The following PTCHD4 variants were observed in gnomAD, a reference collection of about 807,000 sequenced individuals.
The protein encoded by PTCHD4 is patched domain-containing protein 4.
Under a neutral mutation model 58.1 loss-of-function variants are expected in PTCHD4, and 33 were observed. That is an observed-to-expected ratio of 0.57 (90% CI 0.43 to 0.76). PTCHD4 has a LOEUF of 0.76. Among genes scored for constraint, PTCHD4 ranks in the 30% least tolerant of loss-of-function variants. PTCHD4 has a pLI of 0.00. For missense variants in PTCHD4, 1,058 were observed against 1,027.1 expected, an observed-to-expected ratio of 1.03 and a Z score of -0.41; for synonymous variants, 478 against 409.6, an observed-to-expected ratio of 1.17 and a Z score of -2.02.
chr6:47,942,212 A>C (rs1766257647), intron 4 of PTCHD4, among the ~76,000 whole-genome samples: 2 of 152,248 alleles, frequency 1.3e-5, no homozygotes, highest in Admixed American at 6.5e-5. Flanking sequence ...ATTGCAGAGA[A>C]TCCAAAGGGA....
At chr6:48,085,145 T>C (rs148941725) in intron 1 of PTCHD4, among the ~76,000 whole-genome samples, 1 of 152,040 alleles carries the variant, frequency 6.6e-6, no homozygotes, top group African/African-American at 2.4e-5. Context: ...CTGTTGATGG[T>C]ATGGTTCAAT....
chr6:48,047,248 G>A (rs1375954870), intron 3 of PTCHD4, among the ~76,000 whole-genome samples: 1 of 151,538 alleles, frequency 6.6e-6, no homozygotes, highest in African/African-American at 2.4e-5. Flanking sequence ...TTCCAGTTAG[G>A]AAATTCAATT....
At chr6:48,036,559 A>G (rs1310778117) in intron 3 of PTCHD4, among the ~76,000 whole-genome samples, 2 of 152,140 alleles carry the variant, frequency 1.3e-5, no homozygotes, top group African/African-American at 4.8e-5. Flanking sequence ...CTTTCTACCC[A>G]TTAGTCATTT....
At chr6:48,035,583 A>T (rs1190794790) in intron 3 of PTCHD4, among the ~76,000 whole-genome samples, 1 of 152,174 alleles carries the variant, frequency 6.6e-6, no homozygotes, top group Middle Eastern at 3.2e-3. Flanking sequence ...CTCTTCTGAG[A>T]TCTTTTTTAA....
Position 48,069,196 on chromosome 6 carries a change from T to TGGGG in PTCHD4, c.-243_-240dup, listed in dbSNP as rs373285367. 1.4e-3 allele frequency among the ~76,000 whole-genome samples: 64 copies of TGGGG among 47,252 alleles called. No individual in the cohort carries two copies. The highest frequency in any genetic ancestry group is 2.4e-3 in the African/African-American group (29 of 12,178). 31.0% of individuals were successfully genotyped at this position (47,252 alleles called of 152,430 possible). A position where few individuals can be genotyped will look rare whatever the true frequency, so the allele number is the denominator to read the frequency against. ...GAGAAGGGCGGGAGCACGTTGGGGG[T>TGGGG]GGGGGGGCAGATAAGCTTTTTTCTT... On this transcript the variant is annotated 5_prime_UTR_variant, in exon 2 of 5. An upstream open reading frame in the 5' UTR gains an earlier in-frame stop. Coordinates refer to ENST00000339488, the MANE Select transcript of PTCHD4 (RefSeq NM_001384253.1).
chr6:47,986,616 T>C (rs919899597), intron 4 of PTCHD4, among the ~76,000 whole-genome samples: 2 of 152,166 alleles, frequency 1.3e-5, no homozygotes, highest in African/African-American at 4.8e-5. Context: ...TTATAAGAGA[T>C]TCTTTATATC....
chr6:48,045,863 G>T (rs1045870116), intron 3 of PTCHD4, among the ~76,000 whole-genome samples: 4 of 151,116 alleles, frequency 2.6e-5, no homozygotes, highest in Non-Finnish European at 4.4e-5. Flanking sequence ...GTCCAGCATA[G>T]GTTCAAGTAT....
At chr6:47,909,250 CAA>C (rs1267661009) in intron 4 of PTCHD4, among the ~76,000 whole-genome samples, 13 of 152,074 alleles carry the variant, frequency 8.5e-5, no homozygotes, top group Admixed American at 8.5e-4. Flanking sequence ...ATAGATTCTG[CAA>C]AGTCATGCCA....
chr6:47,997,807 C>T (rs1768559101), intron 4 of PTCHD4, among the ~76,000 whole-genome samples: 1 of 152,168 alleles, frequency 6.6e-6, no homozygotes, highest in African/African-American at 2.4e-5. Flanking sequence ...ACAGGGGTTC[C>T]TCAATTCTTG....
chr6:48,008,830 G>C lies in PTCHD4; in HGVS notation c.702C>G (p.Val234=). The part of the protein sequence containing the change: ...HKTSILARSK[V]LVSLVLILTT... ...TCAGGATCAGCACGAGGCTCACCAG[G>C]ACCTTGCTTCTGGCCAGGATGCTGG... is the stretch of plus-strand genomic sequence containing the variant. The change falls in exon 4 of 5, where the codon GTC becomes GTG. Residue 234 remains valine (V), a synonymous_variant. Coordinates refer to ENST00000339488, the MANE Select transcript of PTCHD4 (RefSeq NM_001384253.1). The C allele has an allele frequency of 1.2e-6, 2 of 1,614,028 alleles. No individual in the cohort carries two copies. The highest frequency in any genetic ancestry group is 8.5e-7 in the Non-Finnish European group (1 of 1,179,896).
At chr6:48,078,934 C>T (rs568907566) in intron 1 of PTCHD4, among the ~76,000 whole-genome samples, 2 of 151,852 alleles carry the variant, frequency 1.3e-5, no homozygotes, top group African/African-American at 4.8e-5. Context: ...GTGGCTAACA[C>T]GGTGAAACCC....
At chr6:48,087,453 A>G (rs1765285391) in intron 1 of PTCHD4, among the ~76,000 whole-genome samples, 1 of 152,216 alleles carries the variant, frequency 6.6e-6, no homozygotes, top group African/African-American at 2.4e-5. Flanking sequence ...ATAATGTAAT[A>G]ATGATGCTGT....
chr6:47,875,015 A>G lies in PTCHD4; in HGVS notation c.*3288T>C, dbSNP rs567010407. On this transcript the variant is annotated 3_prime_UTR_variant, in exon 5 of 5. Transcript: ENST00000339488. ...GAGTGGAGCTCACATGGCACTTTCC[A>G]ATTCAAATTTAAATTCTGATGGAAG... is the stretch of plus-strand genomic sequence containing the variant. Among the ~76,000 whole-genome samples the G allele has an allele frequency of 2.8e-4, 42 of 151,928 alleles. No individual in the cohort carries two copies. Among genetic ancestry groups the G allele is most frequent in the Non-Finnish European group, 5.6e-4 (38 of 67,852 alleles).
intron 1 of PTCHD4, among the ~76,000 whole-genome samples, chr6:48,098,807 A>T (rs928862345): frequency 6.6e-6 from 1 of 152,214 alleles, no homozygotes; most frequent in African/African-American, 2.4e-5. Flanking sequence ...AGCTATGGGT[A>T]AAAGGAGATT....
chr6:48,071,555 G>A (rs679083), intron 1 of PTCHD4, among the ~76,000 whole-genome samples: 24,577 of 152,150 alleles, frequency 0.16, 2,047 homozygotes, highest in African/African-American at 0.21. Flanking sequence ...TAAATGAAAG[G>A]AAATTGGCAG....
intron 4 of PTCHD4, among the ~76,000 whole-genome samples, chr6:47,967,697 T>A (rs1362889688): frequency 6.6e-6 from 1 of 152,248 alleles, no homozygotes; most frequent in Non-Finnish European, 1.5e-5. Flanking sequence ...GTACCAGCAC[T>A]TATTGCTTCA....
chr6:48,033,508 A>G (rs999762221), intron 3 of PTCHD4, among the ~76,000 whole-genome samples: 2 of 151,026 alleles, frequency 1.3e-5, no homozygotes, highest in African/African-American at 2.4e-5. Context: ...TTTTCCTTCA[A>G]TGGACTTAGT....
intron 4 of PTCHD4, among the ~76,000 whole-genome samples, chr6:47,991,950 C>A (rs1441414628): frequency 1.3e-5 from 2 of 151,766 alleles, no homozygotes; most frequent in Admixed American, 6.6e-5. Flanking sequence ...AAAAATAAGA[C>A]AATAGATCTA....
chr6:48,043,015 T>C (rs1466367037), intron 3 of PTCHD4, among the ~76,000 whole-genome samples: 2 of 151,866 alleles, frequency 1.3e-5, no homozygotes, highest in Non-Finnish European at 2.9e-5. Context: ...ACGTAATCTG[T>C]TGGATTTCCA....
Sources: allele counts gnomAD v4.1 joint callset (sites outside exome capture counted in the v4.1 genomes callset), GRCh38; gene constraint gnomAD v4.1.1; transcripts MANE v1.5; gene names NCBI Gene and HGNC (gene_info 2026-07-23, HGNC 2026-07-21).